PLCB4: variants seen among roughly 807,000 people sequenced by gnomAD.
The protein encoded by PLCB4 is phospholipase C beta 4.
PLCB4 carries 77 observed loss-of-function variants against 178.8 expected under a neutral mutation model. The ratio of observed to expected loss-of-function variants is 0.43; its 90% CI spans 0.36 to 0.52. The LOEUF (loss-of-function observed/expected upper bound fraction) is 0.52. PLCB4 is among the 20% of genes least tolerant of loss of function. The pLI is 0.00. For missense variants in PLCB4, 1,024 were observed against 1,453.4 expected, an observed-to-expected ratio of 0.70 and a Z score of 4.80; for synonymous variants, 496 against 490.8, an observed-to-expected ratio of 1.01 and a Z score of -0.14.
At chr20:9,162,569 A>G (rs1450834324) in intron 2 of PLCB4, among the ~76,000 whole-genome samples, 1 of 152,140 alleles carries the variant, frequency 6.6e-6, no homozygotes, top group Admixed American at 6.5e-5. Flanking sequence ...AAAGGATGGT[A>G]TTTGCTCTGG....
chr20:9,449,634 A>G (rs574251688), intron 32 of PLCB4, among the ~76,000 whole-genome samples: 1 of 152,332 alleles, frequency 6.6e-6, no homozygotes, highest in South Asian at 2.1e-4. Context: ...TAAAAACTAC[A>G]TCTGCAGGCA....
rs1300913020 is a variant in PLCB4 at position 9,142,227 on chromosome 20, G to A, written c.-79+45885G>A. ...GATAGAAATTAAGAGAGAGGGAAGT[G>A]CACAAAATGGGTTCAGAGGAAGAAT... On this transcript the variant is annotated intron_variant, in intron 2 of 39. Transcript: ENST00000378473. Among the ~76,000 whole-genome samples, 19 of 152,156 alleles carry A rather than the reference G, an allele frequency of 1.2e-4. 1 individual carries two copies. The highest frequency in any genetic ancestry group is 1.0e-3 in the Admixed American group (16 of 15,276).
intron 22 of PLCB4, 113 bp downstream of exon 22, chr20:9,408,171 C>A: frequency 1.2e-6 from 1 of 844,310 alleles, no homozygotes. Context: ...GGGGCTGTTC[C>A]ACCTCACCTT....
At chr20:9,400,515 T>C (rs73895794) in intron 19 of PLCB4, among the ~76,000 whole-genome samples, 11,734 of 152,160 alleles carry the variant, frequency 0.077, 1,452 homozygotes, top group African/African-American at 0.26. Context: ...CTCATTTCCT[T>C]TCTGAATTTC....
intron 25 of PLCB4, among the ~76,000 whole-genome samples, chr20:9,417,716 A>G (rs1250659855): frequency 6.6e-6 from 1 of 152,184 alleles, no homozygotes; most frequent in Non-Finnish European, 1.5e-5. Flanking sequence ...GGTTACATGC[A>G]TAAGAATGGA....
chr20:9,236,057 C>T, intron 3 of PLCB4, among the ~76,000 whole-genome samples: 1 of 152,172 alleles, frequency 6.6e-6, no homozygotes, highest in East Asian at 1.9e-4. Flanking sequence ...AGGACATTCC[C>T]AATATGCGGG....
Position 9,472,779 on chromosome 20 carries a change from A to T in PLCB4, c.3351-11A>T, listed in dbSNP as rs1455301527. 6.4e-7 allele frequency: 1 copy of T among 1,571,740 alleles called. No homozygotes were observed. Among genetic ancestry groups the T allele is most frequent in the East Asian group, 2.3e-5 (1 of 44,104 alleles). ...GTCATACCAACCGTTATTTGTGCCCATTGCTTTTAGGCGAGTCAGGGAGTT... is the reference window on the plus strand; with the variant it reads ...GTCATACCAACCGTTATTTGTGCCCTTTGCTTTTAGGCGAGTCAGGGAGTT... On this transcript the variant is annotated splice_polypyrimidine_tract_variant and intron_variant, in intron 36 of 39. Transcript: ENST00000378473.
chr20:9,226,249 C>G (rs1176961499), intron 3 of PLCB4, among the ~76,000 whole-genome samples: 4 of 152,240 alleles, frequency 2.6e-5, no homozygotes, highest in Middle Eastern at 3.4e-3. Context: ...CTGTAAGAAA[C>G]TGTTGCAACA....
chr20:9,175,035 C>CA (rs1192672696), intron 2 of PLCB4, among the ~76,000 whole-genome samples: 1 of 152,088 alleles, frequency 6.6e-6, no homozygotes, highest in African/African-American at 2.4e-5. Context: ...ATAGATATGC[C>CA]ATTCCAGAAC....
intron 3 of PLCB4, among the ~76,000 whole-genome samples, chr20:9,221,000 T>G (rs1255190515): frequency 6.6e-6 from 1 of 152,138 alleles, no homozygotes; most frequent in Non-Finnish European, 1.5e-5. Flanking sequence ...TAGAGCACAT[T>G]CATGCATGCC....
chr20:9,205,367 G>A (rs755842577), intron 2 of PLCB4, among the ~76,000 whole-genome samples: 7 of 152,152 alleles, frequency 4.6e-5, no homozygotes, highest in Non-Finnish European at 7.3e-5. Flanking sequence ...TTGACTTACC[G>A]TATTTTCAAC....
chr20:9,103,087 G>C (rs898053455), intron 2 of PLCB4, among the ~76,000 whole-genome samples: 1 of 150,728 alleles, frequency 6.6e-6, no homozygotes. Context: ...TGCAGTGGCG[G>C]GATCTCGGCT....
At chr20:9,331,303 G>T (rs983926034) in intron 4 of PLCB4, among the ~76,000 whole-genome samples, 3 of 152,182 alleles carry the variant, frequency 2.0e-5, no homozygotes, top group Non-Finnish European at 4.4e-5. Context: ...GCCAACTCAT[G>T]TTTAAATAAG....
chr20:9,441,371 G>A (rs894421805), intron 30 of PLCB4, among the ~76,000 whole-genome samples: 1 of 152,122 alleles, frequency 6.6e-6, no homozygotes, highest in Non-Finnish European at 1.5e-5. Flanking sequence ...AGGAGCCTTT[G>A]GGGGAAGTGA....
Position 9,362,927 on chromosome 20 carries a change from A to T in PLCB4, c.401A>T (p.His134Leu), listed in dbSNP as rs2035472691. The stretch of plus-strand genomic sequence containing the variant: ...GTAGAAGGCCTGAGATCAATCATAC[A>T]CAACTTCAGGGCCAACAACGTCAGT... Reference protein sequence around the residue: ...QWVEGLRSIIHNFRANNVSPM... With the variant: ...QWVEGLRSIILNFRANNVSPM... Residue 134 changes from histidine (H) to leucine (L), a missense_variant, in exon 8 of 40, where the codon CAC (histidine) becomes CTC (leucine). By Grantham distance (99) the His-to-Leu change is moderately conservative. Transcript: ENST00000378473. The T allele has an allele frequency of 6.2e-7, 1 of 1,613,192 alleles. No homozygotes were observed. The highest frequency in any genetic ancestry group is 1.3e-5 in the African/African-American group (1 of 75,044).
chr20:9,199,459 T>C (rs1190278383), intron 2 of PLCB4, among the ~76,000 whole-genome samples: 1 of 152,168 alleles, frequency 6.6e-6, no homozygotes, highest in Non-Finnish European at 1.5e-5. Flanking sequence ...CAAGTTGGCT[T>C]TTTCAATGTT....
chr20:9,073,989 C>G (rs567278885), intron 1 of PLCB4, among the ~76,000 whole-genome samples: 1 of 152,228 alleles, frequency 6.6e-6, no homozygotes, highest in South Asian at 2.1e-4. Context: ...ACCATGTGCT[C>G]GAGAAATGCT....
At position 9,395,931 on chromosome 20, in the gene PLCB4, C is replaced by T. The variant is rs2038550334; in HGVS notation, c.1510+313C>T. Among the ~76,000 whole-genome samples, 4 of 152,162 alleles carry T rather than the reference C, an allele frequency of 2.6e-5. No individual in the cohort carries two copies. In the South Asian group the frequency reaches 8.3e-4, roughly 31 times the overall value. ...AGGCTGCAGTGAGCTATATGTAATC[C>T]TACCACTGCACTCCAGGCTGGACAA... is the stretch of plus-strand genomic sequence containing the variant. On this transcript the variant is annotated intron_variant, in intron 19 of 39. Transcript: ENST00000378473.
At chr20:9,281,837 A>C (rs1372460238) in intron 3 of PLCB4, among the ~76,000 whole-genome samples, 1 of 152,014 alleles carries the variant, frequency 6.6e-6, no homozygotes, top group Non-Finnish European at 1.5e-5. Flanking sequence ...AATTTCAATA[A>C]ATATTCCATG....
Sources: gnomAD v4.1 joint callset for allele counts (sites outside exome capture counted in the v4.1 genomes callset) on GRCh38, gnomAD v4.1.1 for gene constraint, MANE v1.5 for transcripts, NCBI Gene and HGNC (gene_info 2026-07-23, HGNC 2026-07-21) for gene names.